Variants in POLM observed in about 807,000 individuals in gnomAD.
POLM encodes DNA polymerase mu, also known as DNA-directed DNA/RNA polymerase mu.
In POLM, 52 loss-of-function variants were observed where a neutral mutation model predicts 56.7. That is an observed-to-expected ratio of 0.92 (90% CI 0.73 to 1.15). POLM has a LOEUF of 1.15. Among genes scored for constraint, POLM ranks in the 50% most tolerant of loss-of-function variants. POLM has a pLI of 0.00. For synonymous variants in POLM, 273 were observed against 274.3 expected, an observed-to-expected ratio of 1.00 and a Z score of 0.05; for missense variants, 660 against 663.6, an observed-to-expected ratio of 0.99 and a Z score of 0.06.
At chr7:44,078,703 A>G (rs1009322570) in intron 5 of POLM, 37 bp downstream of exon 5, 1 of 1,576,566 alleles carries the variant, frequency 6.3e-7, no homozygotes, top group African/African-American at 1.3e-5. Flanking sequence ...CCAGGGCAGG[A>G]CATTCCTGGG....
chr7:44,073,778 C>A lies in POLM; in HGVS notation c.1314+5G>T. On this transcript the variant is annotated splice_donor_5th_base_variant and intron_variant, in intron 9 of 10. Coordinates refer to ENST00000242248, the MANE Select transcript of POLM (RefSeq NM_013284.4). ...CCCCAGGCGGCCCAGCGGCACACTG[C>A]CTACCTTGGAGCCAGTCCAACCGAG... 1 of 1,613,980 alleles carries A rather than the reference C, an allele frequency of 6.2e-7. No homozygotes were observed. The highest frequency in any genetic ancestry group is 1.1e-5 in the South Asian group (1 of 91,076).
rs2096175905 is a variant in POLM at position 44,073,957 on chromosome 7, G to GCT, written c.1138_1139dup (p.Ser380ArgfsTer37). Reference sequence around the variant, plus strand: ...AACTTCTCTCAAAAGCGTCCATGTGGCTCTGTTGGGCCAGGCGGGTAGGGG... The same window carrying GCT: ...AACTTCTCTCAAAAGCGTCCATGTGGCTCTCTGTTGGGCCAGGCGGGTAGGGG... On this transcript the variant is annotated frameshift_variant, in exon 9 of 11. Coordinates refer to ENST00000242248, the MANE Select transcript of POLM (RefSeq NM_013284.4). LOFTEE classifies it high-confidence loss of function. The GCT allele has an allele frequency of 6.2e-7, 1 of 1,614,106 alleles. No homozygotes were observed. The highest frequency in any genetic ancestry group is 8.5e-7 in the Non-Finnish European group (1 of 1,180,044).
Position 44,073,974 on chromosome 7 carries a change from G to C in POLM, c.1123C>G (p.Arg375Gly). The change falls in exon 9 of 11, where the codon CGC (arginine) becomes GGC (glycine). Residue 375 changes from arginine (R) to glycine (G), a missense_variant. Coordinates refer to ENST00000242248, the MANE Select transcript of POLM (RefSeq NM_013284.4). ...HQHSCCESPTRLAQQSHMDAF... is the reference protein window; with the variant it reads ...HQHSCCESPTGLAQQSHMDAF... ...TCCATGTGGCTCTGTTGGGCCAGGC[G>C]GGTAGGGGACTCACAGCAGCTGTGC... 3 of 1,614,206 alleles carry C rather than the reference G, an allele frequency of 1.9e-6. No individual in the cohort carries two copies. Among genetic ancestry groups the C allele is most frequent in the Middle Eastern group, 1.6e-4 (1 of 6,062 alleles).
chr7:44,074,281 C>A (rs1191796774), intron 7 of POLM, 48 bp from the exon 8 acceptor site: 1 of 1,544,846 alleles, frequency 6.5e-7, no homozygotes, highest in Non-Finnish European at 8.8e-7. Context: ...CCTGCTCACT[C>A]CAGCCCCAGG....
rs201193778 is a variant in POLM, at chr7:44,082,371, G to C, written c.68C>G (p.Pro23Arg). ...GGCGACTCCCGGGAAGCGCGTCGAG[G>C]GCGGCGTGGAGGAAGCGGCATCGCC... ...PSGDAASSTP[P>R]STRFPGVAIY... The change falls in exon 1 of 11, where the codon CCC becomes CGC. Residue 23 changes from proline (P) to arginine (R), a missense_variant. By Grantham distance (103) the Pro-to-Arg change is moderately radical. Coordinates refer to ENST00000242248, the MANE Select transcript of POLM (RefSeq NM_013284.4). The C allele has an allele frequency of 6.5e-7, 1 of 1,542,710 alleles. No individual in the cohort carries two copies. The highest frequency in any genetic ancestry group is 1.2e-5 in the South Asian group (1 of 83,650).
In POLM at chr7:44,073,649, G is replaced by A; in HGVS notation, c.1374C>T (p.Ser458=). The A allele has an allele frequency of 3.7e-6, 6 of 1,614,178 alleles. No individual in the cohort carries two copies. The highest frequency in any genetic ancestry group is 5.1e-6 in the Non-Finnish European group (6 of 1,180,010). The stretch of plus-strand genomic sequence containing the variant: ...CCTGCTCCGGGTCAAACAGCCCATG[G>A]CTGTTCAGCCACAGGCCCTTCTCCT... ...SRKEKGLWLN[S]HGLFDPEQKT... The change falls in exon 10 of 11, where the codon AGC becomes AGT. Residue 458 remains serine, a synonymous_variant. Transcript: ENST00000242248.
At chr7:44,076,867 A>G (rs976853638) in intron 5 of POLM, 7 of 531,602 alleles carry the variant, frequency 1.3e-5, no homozygotes, top group African/African-American at 9.5e-5. Context: ...AAAGGGACTT[A>G]CACAGCTCTA....
chr7:44,080,764 G>C lies in POLM; in HGVS notation c.341C>G (p.Pro114Arg). 6.2e-7 allele frequency: 1 copy of C among 1,614,080 alleles called. No homozygotes were observed. The highest frequency in any genetic ancestry group is 1.1e-5 in the South Asian group (1 of 91,088). ...GCGGTGCCGGCACTCCACAGGTACA[G>C]GCTGCCCAGCTCCCAGGCTCTCTGT... ...WLTESLGAGQ[P>R]VPVECRHRLE... Residue 114 changes from proline (P) to arginine (R), a missense_variant, in exon 2 of 11, where the codon CCT becomes CGT. Coordinates refer to ENST00000242248, the MANE Select transcript of POLM (RefSeq NM_013284.4).
In POLM at chr7:44,073,037, G is replaced by T; in HGVS notation, c.*254C>A. ...CATCCAGGGCAGGAACGTGAGCCAT[G>T]GGGAGGCTAAGAGCAGACCCAGGGT... On this transcript the variant is annotated 3_prime_UTR_variant, in exon 11 of 11. Coordinates refer to ENST00000242248, the MANE Select transcript of POLM (RefSeq NM_013284.4). 7.4e-7 allele frequency: 1 copy of T among 1,345,628 alleles called. No individual in the cohort carries two copies. Among genetic ancestry groups the T allele is most frequent in the Non-Finnish European group, 9.8e-7 (1 of 1,020,394 alleles). The allele number at this position is 1,345,628 out of a possible 1,614,324, so 83.4% of individuals were successfully genotyped here. A position where few individuals can be genotyped will look rare whatever the true frequency, so the allele number is the denominator to read the frequency against.
intron 4 of POLM, among the ~76,000 whole-genome samples, chr7:44,079,306 TAATGAC>T (rs1303290666): frequency 2.6e-5 from 4 of 152,180 alleles, no homozygotes; most frequent in African/African-American, 9.7e-5. Flanking sequence ...AGTTTGGGAC[TAATGAC>T]AATGACAACA....
Position 44,073,108 on chromosome 7 carries a change from C to T in POLM, c.*183G>A. Reference sequence around the variant, plus strand: ...ACTGAGGGCTCCCACCTCATCACACCCTGCAGCACACCAGCAGGGGCTCAA... The same window carrying T: ...ACTGAGGGCTCCCACCTCATCACACTCTGCAGCACACCAGCAGGGGCTCAA... On this transcript the variant is annotated 3_prime_UTR_variant, in exon 11 of 11. Coordinates refer to ENST00000242248, the MANE Select transcript of POLM (RefSeq NM_013284.4). 6.8e-7 allele frequency: 1 copy of T among 1,473,986 alleles called. No homozygotes were observed. Among genetic ancestry groups the T allele is most frequent in the Non-Finnish European group, 9.0e-7 (1 of 1,113,746 alleles). The allele number at this position is 1,473,986 out of a possible 1,614,324, so 91.3% of individuals were successfully genotyped here. A position where few individuals can be genotyped will look rare whatever the true frequency, so the allele number is the denominator to read the frequency against.
At chr7:44,077,639 G>A (rs535633551) in intron 5 of POLM, among the ~76,000 whole-genome samples, 1 of 152,240 alleles carries the variant, frequency 6.6e-6, no homozygotes, top group East Asian at 1.9e-4. Context: ...ATCATCTTCA[G>A]GCCCCTCACT....
At position 44,072,286 on chromosome 7, in the gene POLM, T is replaced by C. The variant is rs899633076; in HGVS notation, c.*1005A>G. On this transcript the variant is annotated 3_prime_UTR_variant, in exon 11 of 11. Transcript: ENST00000242248. Reference sequence around the variant, plus strand: ...TCAAAATATTTTTTAATGTGATGAGTGGTCTGGGAAATCCTCGCCTAACAA... The same window carrying C: ...TCAAAATATTTTTTAATGTGATGAGCGGTCTGGGAAATCCTCGCCTAACAA... 4.6e-5 allele frequency: 7 copies of C among 152,076 alleles called. No individual in the cohort carries two copies. The highest frequency in any genetic ancestry group is 1.7e-4 in the African/African-American group (7 of 41,392). The allele number at this position is 152,076 out of a possible 1,614,324, so 9.4% of individuals were successfully genotyped here.
Position 44,074,041 on chromosome 7 carries a change from G to T in POLM, c.1072-16C>A. On this transcript the variant is annotated splice_polypyrimidine_tract_variant and intron_variant, in intron 8 of 10. Coordinates refer to ENST00000242248, the MANE Select transcript of POLM (RefSeq NM_013284.4). ...GGATGAGGCCCTGTGGGGAGAGGCG[G>T]GCGTGGCTGAGACCATCCGGTGGTG... 1.2e-6 allele frequency: 2 copies of T among 1,611,778 alleles called. No homozygotes were observed. The highest frequency in any genetic ancestry group is 1.7e-6 in the Non-Finnish European group (2 of 1,179,848).
At chr7:44,075,542 C>T (rs1441951471) in intron 6 of POLM, among the ~76,000 whole-genome samples, 1 of 152,160 alleles carries the variant, frequency 6.6e-6, no homozygotes, top group Non-Finnish European at 1.5e-5. Flanking sequence ...GGCAGTGGAG[C>T]TGGCAGTGCC....
rs2096190061 is a variant in POLM at position 44,078,544 on chromosome 7, T to G, written c.714+196A>C. The G allele has an allele frequency of 5.2e-6, 3 of 580,138 alleles. No homozygotes were observed. In the African/African-American group the frequency reaches 5.6e-5, roughly 11 times the overall value. The allele number at this position is 580,138 out of a possible 1,614,324, so 35.9% of individuals were successfully genotyped here. A position where few individuals can be genotyped will look rare whatever the true frequency, so the allele number is the denominator to read the frequency against. On this transcript the variant is annotated intron_variant, in intron 5 of 10. Transcript: ENST00000242248. ...GAAAATTCTGTCCTCAAAACAAGCT[T>G]CTTCCTTGCCTGTCTCCACTTGGCT...
chr7:44,082,453 C>G lies in POLM; in HGVS notation c.-15G>C, dbSNP rs572468083. Reference sequence around the variant, plus strand: ...TTGGGGAGCATTGGGACGACAGCCTCCAGCAGCGCGGAGCGAACGCAGAGG... The same window carrying G: ...TTGGGGAGCATTGGGACGACAGCCTGCAGCAGCGCGGAGCGAACGCAGAGG... On this transcript the variant is annotated 5_prime_UTR_variant, in exon 1 of 11. Transcript: ENST00000242248. 1.5e-6 allele frequency: 2 copies of G among 1,375,954 alleles called. No individual in the cohort carries two copies. The highest frequency in any genetic ancestry group is 3.1e-5 in the African/African-American group (2 of 65,544). The allele number at this position is 1,375,954 out of a possible 1,614,324, so 85.2% of individuals were successfully genotyped here. A position where few individuals can be genotyped will look rare whatever the true frequency, so the allele number is the denominator to read the frequency against.
rs3218653 is a variant in POLM, at chr7:44,079,429, G to C, written c.642+142C>G. ...GCACAGGAGGAATCTGAGCGCAGAG[G>C]GTGGCTTGTTGAGGCCTTGGAGCAG... On this transcript the variant is annotated intron_variant, in intron 4 of 10. Coordinates refer to ENST00000242248, the MANE Select transcript of POLM (RefSeq NM_013284.4). The C allele has an allele frequency of 2.5e-4, 182 of 719,510 alleles. No individual in the cohort carries two copies. The African/African-American group carries it at 2.6e-3, about 10-fold the overall frequency. 44.6% of individuals were successfully genotyped at this position (719,510 alleles called of 1,614,324 possible).
chr7:44,078,612 G>A (rs1232562864), intron 5 of POLM, 128 bp downstream of exon 5: 2 of 774,126 alleles, frequency 2.6e-6, no homozygotes, highest in South Asian at 1.6e-5. Flanking sequence ...CACTTCCTCG[G>A]CAAGACCTTC....
Sources: gnomAD v4.1 joint callset for allele counts (sites outside exome capture counted in the v4.1 genomes callset) on GRCh38, gnomAD v4.1.1 for gene constraint, MANE v1.5 for transcripts, NCBI Gene and HGNC (gene_info 2026-07-23, HGNC 2026-07-21) for gene names.